The following PRCD variants were observed in gnomAD, a reference collection of about 807,000 sequenced individuals.
The protein encoded by PRCD is photoreceptor disc component.
Under a neutral mutation model 10.1 loss-of-function variants are expected in PRCD, and 12 were observed. The observed-to-expected ratio is 1.18, with a 90% CI of 0.76 to 1.92. The LOEUF (loss-of-function observed/expected upper bound fraction) is 1.92. PRCD is among the 40% of genes most tolerant of loss of function. The pLI, the probability that PRCD is intolerant of heterozygous loss-of-function variation, is 0.00. For missense variants in PRCD, 61 were observed against 72.2 expected, an observed-to-expected ratio of 0.84 and a Z score of 0.56; for synonymous variants, 31 against 26.2, an observed-to-expected ratio of 1.18 and a Z score of -0.56.
At chr17:76,542,058 C>G (rs1355931353) in intron 2 of PRCD, among the ~76,000 whole-genome samples, 1 of 152,104 alleles carries the variant, frequency 6.6e-6, no homozygotes, top group Non-Finnish European at 1.5e-5. Context: ...TGTTTTTAAT[C>G]TTTGGTTAAT....
chr17:76,531,446 A>G lies in PRCD; in HGVS notation n.45+3613A>G, dbSNP rs764069613. On this transcript the variant is annotated intron_variant and non_coding_transcript_variant, in intron 1 of 4. Coordinates refer to the PRCD transcript ENST00000397633. This position sits in a 1 kb window ranked among gnomAD's most constrained non-coding sequence, Gnocchi z 7.4. Reference sequence around the variant, plus strand: ...GTGGGCGGTGGGGGCTCTGCAGCAGATGGGGGCGCATACCTTGAAGTACAC... The same window carrying G: ...GTGGGCGGTGGGGGCTCTGCAGCAGGTGGGGGCGCATACCTTGAAGTACAC... 6.3e-7 allele frequency: 1 copy of G among 1,596,514 alleles called. No individual in the cohort carries two copies. Among genetic ancestry groups the G allele is most frequent in the Non-Finnish European group, 8.6e-7 (1 of 1,165,420 alleles).
At chr17:76,529,101 A>G (rs1202183637) in intron 1 of PRCD, 2 of 963,244 alleles carry the variant, frequency 2.1e-6, no homozygotes, top group Non-Finnish European at 2.4e-6. Flanking sequence ...GAGACGGCTC[A>G]ATAAACAGTG....
chr17:76,543,535 A>T (rs1342067720), intron 4 of PRCD: 1 of 352,290 alleles, frequency 2.8e-6, no homozygotes, highest in Non-Finnish European at 5.6e-6. Flanking sequence ...ACACAGAGAC[A>T]GGTTAAATAA....
Position 76,528,725 on chromosome 17 carries a change from G to T in PRCD, n.45+892G>T. The T allele has an allele frequency of 9.1e-7, 1 of 1,097,004 alleles. No homozygotes were observed. The highest frequency in any genetic ancestry group is 1.2e-6 in the Non-Finnish European group (1 of 852,030). 68.0% of individuals were successfully genotyped at this position (1,097,004 alleles called of 1,614,324 possible). A position where few individuals can be genotyped will look rare whatever the true frequency, so the allele number is the denominator to read the frequency against. Reference sequence around the variant, plus strand: ...GGCTCACTTCCTGCCAAGAGATCCGGCACAGTGCAGTTGAAAGCAACCGTG... The same window carrying T: ...GGCTCACTTCCTGCCAAGAGATCCGTCACAGTGCAGTTGAAAGCAACCGTG... On this transcript the variant is annotated intron_variant and non_coding_transcript_variant, in intron 1 of 4. Coordinates refer to the PRCD transcript ENST00000397633. The surrounding 1 kb of genome is among the most constrained non-coding windows in gnomAD (Gnocchi z 5.8).
downstream of PRCD, chr17:76,546,656 G>A (rs1248632391): frequency 6.6e-6 from 1 of 152,194 alleles, no homozygotes; most frequent in Non-Finnish European, 1.5e-5. This position sits in a 1 kb window ranked among gnomAD's most constrained non-coding sequence, Gnocchi z 4.5. Flanking sequence ...TAGAGCTAGA[G>A]GAAGATAATG....
downstream of PRCD, among the ~76,000 whole-genome samples, chr17:76,549,765 G>A (rs1048956804): frequency 3.9e-5 from 6 of 152,116 alleles, no homozygotes; most frequent in African/African-American, 1.4e-4. Context: ...TGCTGATGCC[G>A]ACGACATGGG....
At chr17:76,550,557 C>T (rs189988051) in intron 1 of PRCD, 7 of 152,362 alleles carry the variant, frequency 4.6e-5, no homozygotes, top group East Asian at 3.9e-4. Context: ...CCACCGCACC[C>T]GCCTAAGAAG....
rs2143182463 is a variant in PRCD at position 76,545,035 on chromosome 17, A to G, written c.*1385A>G. On this transcript the variant is annotated 3_prime_UTR_variant, in exon 5 of 5. Coordinates refer to ENST00000592014, the MANE Select transcript of PRCD (RefSeq NM_001077620.3). Reference sequence around the variant, plus strand: ...GCCTGGGCTTGGAGGTTGCCTGGGCAGCTGGGGTGCCATGTGGGCCGGGTG... The same window carrying G: ...GCCTGGGCTTGGAGGTTGCCTGGGCGGCTGGGGTGCCATGTGGGCCGGGTG... 1 of 438,988 alleles carries G rather than the reference A, an allele frequency of 2.3e-6. No homozygotes were observed. The highest frequency in any genetic ancestry group is 4.6e-6 in the Non-Finnish European group (1 of 218,814). 27.2% of individuals were successfully genotyped at this position (438,988 alleles called of 1,614,324 possible).
downstream of PRCD, chr17:76,545,604 G>A (rs555605652): frequency 1.0e-4 from 34 of 339,816 alleles, no homozygotes; most frequent in Middle Eastern, 1.1e-3. Context: ...TTTGAACCTT[G>A]TTCCACCAGC....
rs1598202564 is a variant in PRCD, at chr17:76,531,230, G to A, written n.45+3397G>A. Reference sequence around the variant, plus strand: ...GCCCCTCCGCCCCACGTGTGGCCGAGAGGATCATTCCTAACGCAACAGTCT... The same window carrying A: ...GCCCCTCCGCCCCACGTGTGGCCGAAAGGATCATTCCTAACGCAACAGTCT... On this transcript the variant is annotated intron_variant and non_coding_transcript_variant, in intron 1 of 4. Transcript: ENST00000397633. The surrounding 1 kb of genome is among the most constrained non-coding windows in gnomAD (Gnocchi z 7.4). The A allele has an allele frequency of 7.1e-7, 1 of 1,417,978 alleles. No homozygotes were observed. The highest frequency in any genetic ancestry group is 2.4e-5 in the East Asian group (1 of 42,304). The allele number at this position is 1,417,978 out of a possible 1,614,324, so 87.8% of individuals were successfully genotyped here.
At chr17:76,536,856 G>A (rs2074919564), upstream of PRCD, among the ~76,000 whole-genome samples, 1 of 152,152 alleles carries the variant, frequency 6.6e-6, no homozygotes, top group Non-Finnish European at 1.5e-5. Flanking sequence ...GTGCCCTCCA[G>A]CGGGAAGGGG....
At chr17:76,539,953 A>G, upstream of PRCD, 6 of 623,412 alleles carry the variant, frequency 9.6e-6, no homozygotes, top group Non-Finnish European at 1.7e-5. Context: ...ACCTGGGCCC[A>G]GTGAGCTTAA....
chr17:76,546,884 C>T (rs1426689313), downstream of PRCD: 2 of 152,216 alleles, frequency 1.3e-5, no homozygotes, highest in Non-Finnish European at 2.9e-5. The surrounding 1 kb of genome is among the most constrained non-coding windows in gnomAD (Gnocchi z 4.5). Context: ...ACAGAACTTG[C>T]TCAAGGTCAC....
At chr17:76,537,729 C>T, upstream of PRCD, 1 of 285,818 alleles carries the variant, frequency 3.5e-6, no homozygotes, top group Non-Finnish European at 5.2e-6. Context: ...TGCGTGTGTG[C>T]AGGGTATATG....
intron 3 of PRCD, 117 bp from the exon 4 acceptor site, chr17:76,542,912 G>T: frequency 1.7e-6 from 1 of 578,086 alleles, no homozygotes; most frequent in South Asian, 1.5e-5. Flanking sequence ...TGGGGCATGA[G>T]GGCAGTGTCG....
chr17:76,543,389 G>A, intron 4 of PRCD: 2 of 342,282 alleles, frequency 5.8e-6, no homozygotes, highest in South Asian at 2.3e-5. Context: ...TAAGTAAGGA[G>A]TGAGGAGACC....
At chr17:76,539,281 A>G (rs1454940119), upstream of PRCD, among the ~76,000 whole-genome samples, 2 of 152,216 alleles carry the variant, frequency 1.3e-5, no homozygotes, top group Non-Finnish European at 2.9e-5. Flanking sequence ...GGGATGTGGA[A>G]AGAAAATAGG....
upstream of PRCD, among the ~76,000 whole-genome samples, chr17:76,537,219 G>C (rs979062381): frequency 6.6e-6 from 1 of 152,186 alleles, no homozygotes; most frequent in South Asian, 2.1e-4. Context: ...GCCAGGGAAG[G>C]CTCAACCCAG....
rs1205638638 is a variant in PRCD at position 76,528,623 on chromosome 17, A to C, written n.45+790A>C. 1 of 1,273,736 alleles carries C rather than the reference A, an allele frequency of 7.9e-7. No homozygotes were observed. The highest frequency in any genetic ancestry group is 3.0e-5 in the East Asian group (1 of 33,212). 78.9% of individuals were successfully genotyped at this position (1,273,736 alleles called of 1,614,324 possible). On this transcript the variant is annotated intron_variant and non_coding_transcript_variant, in intron 1 of 4. Coordinates refer to the PRCD transcript ENST00000397633. This position sits in a 1 kb window ranked among gnomAD's most constrained non-coding sequence, Gnocchi z 5.8. ...GTGTGGCCGGTGGGCTGTGGACGAG[A>C]TAGGAAGGGAAGGACAAACGTTACC...
Sources: allele counts gnomAD v4.1 joint callset (sites outside exome capture counted in the v4.1 genomes callset), GRCh38; gene constraint gnomAD v4.1.1; non-coding constraint Gnocchi (gnomAD v3.1); transcripts MANE v1.5; gene names NCBI Gene and HGNC (gene_info 2026-07-23, HGNC 2026-07-21).